The following ST6GALNAC3 variants were observed in gnomAD, a reference collection of about 807,000 sequenced individuals.
The protein encoded by ST6GALNAC3 is alpha-N-acetylgalactosaminide alpha-2,6-sialyltransferase 3.
ST6GALNAC3 carries 25 observed loss-of-function variants against 32.7 expected under a neutral mutation model. That is an observed-to-expected ratio of 0.76 (90% confidence interval 0.56 to 1.07). The LOEUF (loss-of-function observed/expected upper bound fraction) is 1.07, where lower values mean the gene tolerates loss of function less well. Among genes scored for constraint, ST6GALNAC3 ranks in the 50% least tolerant of loss-of-function variants. ST6GALNAC3 has a pLI of 0.00. For synonymous variants in ST6GALNAC3, 129 were observed against 133.1 expected (o/e 0.97, Z 0.21); for missense variants, 355 against 382.4 (o/e 0.93, Z 0.60).
At chr1:76,174,670 T>G (rs1652738253) in intron 1 of ST6GALNAC3, among the ~76,000 whole-genome samples, 1 of 149,542 alleles carries the variant, frequency 6.7e-6, no homozygotes, top group African/African-American at 2.5e-5. Flanking sequence ...TTTCTTTTTT[T>G]TTTTTCTTTT....
intron 1 of ST6GALNAC3, among the ~76,000 whole-genome samples, chr1:76,159,021 C>G (rs1055666313): frequency 4.6e-5 from 7 of 152,070 alleles, no homozygotes; most frequent in Non-Finnish European, 1.0e-4. Context: ...GTGTGGTTTC[C>G]TGGGGGTGTG....
intron 1 of ST6GALNAC3, among the ~76,000 whole-genome samples, chr1:76,257,195 T>G (rs934778949): frequency 2.6e-5 from 4 of 152,200 alleles, no homozygotes; most frequent in Non-Finnish European, 5.9e-5. Context: ...TGTTGAAAGG[T>G]GCTTTAATAC....
intron 2 of ST6GALNAC3, among the ~76,000 whole-genome samples, chr1:76,343,335 T>TAA (rs1353513767): frequency 1.3e-5 from 2 of 152,182 alleles, no homozygotes; most frequent in African/African-American, 4.8e-5. Flanking sequence ...ACTCTTTCAG[T>TAA]AACAGAACAT....
At chr1:76,530,902 T>C (rs1663210151) in intron 3 of ST6GALNAC3, among the ~76,000 whole-genome samples, 1 of 152,330 alleles carries the variant, frequency 6.6e-6, no homozygotes, top group South Asian at 2.1e-4. Flanking sequence ...ATGGAGCTGG[T>C]CATTAATGAA....
chr1:76,211,844 G>GT (rs1475460378), intron 1 of ST6GALNAC3, among the ~76,000 whole-genome samples: 3 of 152,110 alleles, frequency 2.0e-5, no homozygotes, highest in Non-Finnish European at 4.4e-5. Context: ...TAAATGATGA[G>GT]TTAATGGGTG....
intron 3 of ST6GALNAC3, among the ~76,000 whole-genome samples, chr1:76,502,122 A>G (rs912089874): frequency 6.6e-6 from 1 of 152,122 alleles, no homozygotes; most frequent in African/African-American, 2.4e-5. Flanking sequence ...CTCCCTTTAT[A>G]TCTCATGGGC....
intron 3 of ST6GALNAC3, chr1:76,577,360 T>C (rs1475816144): frequency 1.0e-6 from 1 of 977,194 alleles, no homozygotes; most frequent in Non-Finnish European, 1.2e-6. Flanking sequence ...TACCAAGAGC[T>C]ATAGCCTCTT....
chr1:76,252,278 C>G (rs1411151387), intron 1 of ST6GALNAC3, among the ~76,000 whole-genome samples: 2 of 152,152 alleles, frequency 1.3e-5, no homozygotes, highest in Non-Finnish European at 2.9e-5. Flanking sequence ...TATAATATGT[C>G]TCTTTCATGG....
chr1:76,577,021 G>C (rs1646821489), intron 3 of ST6GALNAC3: 1 of 1,187,826 alleles, frequency 8.4e-7, no homozygotes, highest in Non-Finnish European at 1.1e-6. Flanking sequence ...GATTAAGATT[G>C]TGGCTTTGTG....
At chr1:76,449,263 CTTTT>C (rs1657212061) in intron 3 of ST6GALNAC3, among the ~76,000 whole-genome samples, 2 of 152,114 alleles carry the variant, frequency 1.3e-5, no homozygotes, top group African/African-American at 4.8e-5. Flanking sequence ...TTGCTCATTT[CTTTT>C]TATCACTGAG....
chr1:76,198,275 A>T (rs1357588882), intron 1 of ST6GALNAC3, among the ~76,000 whole-genome samples: 1 of 152,130 alleles, frequency 6.6e-6, no homozygotes, highest in Non-Finnish European at 1.5e-5. Flanking sequence ...AGCTCAAGTG[A>T]TCCTCCTGCC....
chr1:76,544,605 C>G (rs964446184), intron 3 of ST6GALNAC3, among the ~76,000 whole-genome samples: 1 of 152,102 alleles, frequency 6.6e-6, no homozygotes, highest in African/African-American at 2.4e-5. Flanking sequence ...TTACTGAGCT[C>G]TAAAGACCAA....
intron 1 of ST6GALNAC3, among the ~76,000 whole-genome samples, chr1:76,224,272 C>T (rs1456090084): frequency 6.6e-6 from 1 of 152,150 alleles, no homozygotes; most frequent in Non-Finnish European, 1.5e-5. Flanking sequence ...CTTTTCTCCT[C>T]CTTTATAACA....
intron 1 of ST6GALNAC3, among the ~76,000 whole-genome samples, chr1:76,164,068 G>A (rs1207398926): frequency 6.6e-6 from 1 of 152,134 alleles, no homozygotes; most frequent in Non-Finnish European, 1.5e-5. Context: ...GAGAAATAAG[G>A]TGAAAAACCA....
chr1:76,211,617 G>T (rs1655166402), intron 1 of ST6GALNAC3, among the ~76,000 whole-genome samples: 1 of 151,886 alleles, frequency 6.6e-6, no homozygotes, highest in African/African-American at 2.4e-5. Context: ...TAAAAATGAT[G>T]AGTTCATGTC....
chr1:76,221,388 A>G (rs1296523112), intron 1 of ST6GALNAC3, among the ~76,000 whole-genome samples: 1 of 152,096 alleles, frequency 6.6e-6, no homozygotes, highest in Non-Finnish European at 1.5e-5. Flanking sequence ...TTATTTAATA[A>G]CCTATAATGA....
At chr1:76,317,371 T>C (rs571667452) in intron 2 of ST6GALNAC3, among the ~76,000 whole-genome samples, 27 of 152,220 alleles carry the variant, frequency 1.8e-4, no homozygotes, top group African/African-American at 6.3e-4. Context: ...GCCAAAGTAA[T>C]ATAGCTGAAA....
At chr1:76,597,405 G>C (rs909820500) in intron 3 of ST6GALNAC3, among the ~76,000 whole-genome samples, 1 of 151,990 alleles carries the variant, frequency 6.6e-6, no homozygotes, top group Non-Finnish European at 1.5e-5. Context: ...ACACAGCCCA[G>C]ACATACACAC....
At chr1:76,453,383 G>A (rs993911506) in intron 3 of ST6GALNAC3, among the ~76,000 whole-genome samples, 3 of 151,918 alleles carry the variant, frequency 2.0e-5, no homozygotes, top group African/African-American at 7.3e-5. Context: ...GTCTGTTTGT[G>A]CTCTTTCAGA....
Sources: gnomAD v4.1 joint callset for allele counts (sites outside exome capture counted in the v4.1 genomes callset) on GRCh38, gnomAD v4.1.1 for gene constraint, MANE v1.5 for transcripts, NCBI Gene and HGNC (gene_info 2026-07-23, HGNC 2026-07-21) for gene names.